NDC1: variants seen among roughly 807,000 people sequenced by gnomAD.
NDC1 encodes the protein NDC1 transmembrane nucleoporin.
A neutral mutation model predicts 89.8 loss-of-function variants in NDC1; 24 were observed. The ratio of observed to expected loss-of-function variants is 0.27; its 90% CI spans 0.19 to 0.38. The LOEUF is 0.38. Among genes scored for constraint, NDC1 ranks in the 10% least tolerant of loss-of-function variants. The pLI is 1.00. For missense variants in NDC1, 728 were observed against 797.6 expected, an observed-to-expected ratio of 0.91 and a Z score of 1.05; for synonymous variants, 296 against 284.8, an observed-to-expected ratio of 1.04 and a Z score of -0.39.
intron 17 of NDC1, among the ~76,000 whole-genome samples, chr1:53,771,329 GT>G (rs1373141768): frequency 6.6e-6 from 1 of 152,168 alleles, no homozygotes; most frequent in East Asian, 1.9e-4. Context: ...TCAGGTTCAT[GT>G]TTAATACGCA....
At chr1:53,773,490 A>G (rs1394763191) in intron 16 of NDC1, among the ~76,000 whole-genome samples, 1 of 151,982 alleles carries the variant, frequency 6.6e-6, no homozygotes, top group Non-Finnish European at 1.5e-5. Flanking sequence ...TGCTCCCTTT[A>G]GTCTCCAACT....
chr1:53,807,866 T>C (rs1252693675), intron 7 of NDC1, 75 bp from the exon 8 acceptor site: 15 of 1,309,312 alleles, frequency 1.1e-5, no homozygotes, highest in South Asian at 9.8e-5. Context: ...AGTCTCCACA[T>C]TGAGACACAA....
chr1:53,814,150 G>A (rs547765743), intron 6 of NDC1, among the ~76,000 whole-genome samples: 91 of 152,160 alleles, frequency 6.0e-4, no homozygotes, highest in African/African-American at 2.0e-3. Flanking sequence ...TCAGGAGATC[G>A]AGACCATCCT....
intron 7 of NDC1, among the ~76,000 whole-genome samples, chr1:53,808,777 G>A (rs895302352): frequency 7.2e-5 from 11 of 152,216 alleles, no homozygotes; most frequent in African/African-American, 2.2e-4. Flanking sequence ...TGACTCATGC[G>A]TTTGGTTTCA....
intron 16 of NDC1, among the ~76,000 whole-genome samples, chr1:53,775,231 C>T (rs1188155791): frequency 6.6e-6 from 1 of 152,116 alleles, no homozygotes; most frequent in Non-Finnish European, 1.5e-5. Flanking sequence ...ATTTTCTTTG[C>T]ACCTTAATTG....
chr1:53,777,221 G>T (rs1293251303), intron 16 of NDC1, among the ~76,000 whole-genome samples: 1 of 151,886 alleles, frequency 6.6e-6, no homozygotes, highest in African/African-American at 2.4e-5. Flanking sequence ...ACAGGATCTC[G>T]CTTTCTTGAC....
At chr1:53,814,554 A>G (rs1281596652) in intron 6 of NDC1, among the ~76,000 whole-genome samples, 1 of 152,062 alleles carries the variant, frequency 6.6e-6, no homozygotes, top group Admixed American at 6.6e-5. Context: ...AGAAATAACA[A>G]ATCAAACCCA....
At position 53,838,279 on chromosome 1, in the gene NDC1, G is replaced by A. The variant is rs1026951045; in HGVS notation, c.-18C>T. ...GTGGCCATGGAGATGGCGGCCCCTA[G>A]TCTAGGGCGTACAGGAGACCGTGCG... On this transcript the variant is annotated 5_prime_UTR_variant, in exon 1 of 18. Transcript: ENST00000371429. 2 of 1,533,832 alleles carry A rather than the reference G, an allele frequency of 1.3e-6. No homozygotes were observed. Among genetic ancestry groups the A allele is most frequent in the Non-Finnish European group, 1.7e-6 (2 of 1,143,400 alleles).
At chr1:53,835,245 T>C (rs1649191338) in intron 2 of NDC1, among the ~76,000 whole-genome samples, 1 of 152,096 alleles carries the variant, frequency 6.6e-6, no homozygotes, top group East Asian at 1.9e-4. Flanking sequence ...TGAAACTAAG[T>C]TTTCATTTAT....
chr1:53,791,947 T>C (rs1326779082), intron 14 of NDC1, among the ~76,000 whole-genome samples: 5 of 141,604 alleles, frequency 3.5e-5, no homozygotes, highest in Non-Finnish European at 7.7e-5. Context: ...CCCCTTCTTC[T>C]TTTTTTTTTT....
At chr1:53,808,001 G>A (rs1009820768) in intron 7 of NDC1, among the ~76,000 whole-genome samples, 2 of 152,152 alleles carry the variant, frequency 1.3e-5, no homozygotes, top group African/African-American at 4.8e-5. Context: ...CCTAAATCGG[G>A]GCTACAGTTT....
intron 5 of NDC1, among the ~76,000 whole-genome samples, chr1:53,824,902 G>A (rs1043995206): frequency 6.6e-6 from 1 of 152,140 alleles, no homozygotes; most frequent in Non-Finnish European, 1.5e-5. Context: ...GGCCATCCAC[G>A]ATGGCTCACA....
chr1:53,833,766 A>G (rs1027871362), intron 2 of NDC1, among the ~76,000 whole-genome samples: 3 of 152,164 alleles, frequency 2.0e-5, no homozygotes, highest in African/African-American at 7.2e-5. Flanking sequence ...TAAAAATAAG[A>G]GCATGTTTGC....
intron 5 of NDC1, among the ~76,000 whole-genome samples, chr1:53,822,166 C>T (rs1199068044): frequency 1.3e-5 from 2 of 151,980 alleles, no homozygotes; most frequent in Non-Finnish European, 2.9e-5. Context: ...TTTAAAAAGC[C>T]GTAATTTTTC....
intron 4 of NDC1, among the ~76,000 whole-genome samples, chr1:53,826,420 T>G (rs1043733389): frequency 1.3e-5 from 2 of 152,164 alleles, no homozygotes; most frequent in Admixed American, 6.6e-5. Context: ...CGATACCGAT[T>G]TTTTTTCCTC....
intron 6 of NDC1, among the ~76,000 whole-genome samples, chr1:53,811,773 C>G (rs746712273): frequency 2.0e-5 from 3 of 151,914 alleles, no homozygotes; most frequent in African/African-American, 4.8e-5. Context: ...TTCCGGAAAG[C>G]GCCACCTCCT....
chr1:53,775,398 AGGC>A (rs1647154086), intron 16 of NDC1, among the ~76,000 whole-genome samples: 1 of 151,918 alleles, frequency 6.6e-6, no homozygotes, highest in Non-Finnish European at 1.5e-5. Context: ...CTGGGATTAC[AGGC>A]GCCCGCAACC....
chr1:53,791,751 G>A (rs1647512356), intron 14 of NDC1, among the ~76,000 whole-genome samples: 1 of 152,212 alleles, frequency 6.6e-6, no homozygotes, highest in South Asian at 2.1e-4. Flanking sequence ...TGGTCACCAT[G>A]TGGTCTGCCA....
intron 10 of NDC1, 121 bp from the exon 11 acceptor site, chr1:53,800,969 G>C (rs1320838607): frequency 2.5e-6 from 2 of 810,586 alleles, no homozygotes; most frequent in Non-Finnish European, 3.8e-6. Flanking sequence ...ACTTTTCTTA[G>C]TGAAGCTACT....
Sources: allele counts gnomAD v4.1 joint callset (sites outside exome capture counted in the v4.1 genomes callset), GRCh38; gene constraint gnomAD v4.1.1; transcripts MANE v1.5; gene names NCBI Gene and HGNC (gene_info 2026-07-23, HGNC 2026-07-21).